The following SNX29 variants were observed in gnomAD, a reference collection of about 807,000 sequenced individuals.
SNX29 encodes the protein sorting nexin-29.
SNX29 carries 78 observed loss-of-function variants against 102.1 expected under a neutral mutation model. That is an observed-to-expected ratio of 0.76 (90% CI 0.64 to 0.92). The LOEUF is 0.92. Ranked by LOEUF, SNX29 falls within the 40% of genes least tolerant of loss-of-function variation. The pLI, the probability that SNX29 is intolerant of heterozygous loss-of-function variation, is 0.00. For missense variants in SNX29, 1,280 were observed against 1,061.7 expected (o/e 1.21, Z -2.86); for synonymous variants, 580 against 414.5 (o/e 1.40, Z -4.85).
intron 13 of SNX29, among the ~76,000 whole-genome samples, chr16:12,165,874 T>G (rs1474583593): frequency 6.6e-6 from 1 of 152,242 alleles, no homozygotes; most frequent in Non-Finnish European, 1.5e-5. Context: ...AGACTTTGAT[T>G]CCCTTCTGAC....
chr16:12,482,275 T>C (rs991312136), intron 19 of SNX29, among the ~76,000 whole-genome samples: 3 of 145,872 alleles, frequency 2.1e-5, no homozygotes, highest in African/African-American at 4.9e-5. Flanking sequence ...TTTTCCTTTT[T>C]CTTTTTCCTT....
At chr16:12,563,696 G>T (rs2865572) in intron 20 of SNX29, among the ~76,000 whole-genome samples, 5 of 152,164 alleles carry the variant, frequency 3.3e-5, no homozygotes, top group African/African-American at 1.2e-4. Flanking sequence ...CTGGCCTCAT[G>T]TAAGAGGAAC....
intron 13 of SNX29, among the ~76,000 whole-genome samples, chr16:12,159,405 C>G (rs372935764): frequency 6.6e-6 from 1 of 152,226 alleles, no homozygotes; most frequent in Non-Finnish European, 1.5e-5. Context: ...TGAGAACTCT[C>G]GCTGTTCTGT....
chr16:12,258,284 T>A (rs933572745), intron 14 of SNX29, among the ~76,000 whole-genome samples: 36 of 152,206 alleles, frequency 2.4e-4, no homozygotes, highest in Non-Finnish European at 5.9e-5. Context: ...GTGTGTACCT[T>A]CTTTCAGTCA....
intron 18 of SNX29, among the ~76,000 whole-genome samples, chr16:12,466,653 G>A (rs2087066456): frequency 6.6e-6 from 1 of 152,288 alleles, no homozygotes; most frequent in African/African-American, 2.4e-5. Flanking sequence ...TCTACCTGGA[G>A]CCCCAGCCCA....
intron 15 of SNX29, among the ~76,000 whole-genome samples, chr16:12,328,675 G>A (rs1000165995): frequency 6.6e-6 from 1 of 152,126 alleles, no homozygotes; most frequent in South Asian, 2.1e-4. Context: ...CCTTTCACTT[G>A]GATGCCCTCT....
intron 15 of SNX29, among the ~76,000 whole-genome samples, chr16:12,295,162 A>G (rs1245401452): frequency 6.6e-6 from 1 of 152,234 alleles, no homozygotes; most frequent in Non-Finnish European, 1.5e-5. Context: ...GCTACAAGTC[A>G]AGATGAGATT....
chr16:12,005,306 G>A (rs1294123607), intron 3 of SNX29, among the ~76,000 whole-genome samples: 1 of 152,172 alleles, frequency 6.6e-6, no homozygotes, highest in Non-Finnish European at 1.5e-5. Flanking sequence ...CACCTGGGAG[G>A]CTTATTGATT....
At chr16:12,215,090 C>A (rs772206244) in intron 14 of SNX29, among the ~76,000 whole-genome samples, 1 of 152,122 alleles carries the variant, frequency 6.6e-6, no homozygotes, top group Non-Finnish European at 1.5e-5. Flanking sequence ...GTAATAATAG[C>A]CAACATGCAT....
chr16:12,382,973 A>G (rs1260323971), intron 16 of SNX29, among the ~76,000 whole-genome samples: 1 of 151,952 alleles, frequency 6.6e-6, no homozygotes, highest in African/African-American at 2.4e-5. Context: ...CTTTTTCCAC[A>G]TTTACAAGTC....
intron 14 of SNX29, among the ~76,000 whole-genome samples, chr16:12,204,590 A>G (rs1448744059): frequency 1.3e-5 from 2 of 152,216 alleles, no homozygotes; most frequent in South Asian, 4.1e-4. Context: ...AGAGAGGGAA[A>G]AGGAATAGAC....
At chr16:12,282,976 G>A (rs2079483490) in intron 15 of SNX29, among the ~76,000 whole-genome samples, 1 of 152,188 alleles carries the variant, frequency 6.6e-6, no homozygotes, top group Non-Finnish European at 1.5e-5. Flanking sequence ...GTCTTAACTA[G>A]AGCTCAGAGC....
At chr16:12,434,409 G>A (rs551905114) in intron 18 of SNX29, among the ~76,000 whole-genome samples, 91 of 152,312 alleles carry the variant, frequency 6.0e-4, no homozygotes, top group African/African-American at 2.1e-3. Context: ...GCAAAGCAGG[G>A]TGTTTGGTGG....
At chr16:12,240,436 A>G (rs1262689697) in intron 14 of SNX29, among the ~76,000 whole-genome samples, 4 of 151,970 alleles carry the variant, frequency 2.6e-5, no homozygotes, top group Admixed American at 6.5e-5. Context: ...TTCCAGGACT[A>G]TTGACCATTT....
chr16:12,536,585 A>G (rs377453632), intron 20 of SNX29, among the ~76,000 whole-genome samples: 2 of 152,292 alleles, frequency 1.3e-5, no homozygotes, highest in East Asian at 1.9e-4. Flanking sequence ...GTTCACACCT[A>G]GCACAGAGAA....
At chr16:12,221,106 G>GT (rs150736744) in intron 14 of SNX29, among the ~76,000 whole-genome samples, 1,758 of 147,338 alleles carry the variant, frequency 0.012, 14 homozygotes, top group Middle Eastern at 0.024. Flanking sequence ...GTATGATGAA[G>GT]TTTTTTTTTC....
chr16:12,378,301 G>A (rs944634520), intron 16 of SNX29, among the ~76,000 whole-genome samples: 3 of 152,190 alleles, frequency 2.0e-5, no homozygotes, highest in African/African-American at 7.2e-5. Flanking sequence ...ATCGATAAGA[G>A]TGAAAGCAAG....
chr16:12,534,355 T>C (rs1007670606), intron 20 of SNX29, among the ~76,000 whole-genome samples: 20 of 152,350 alleles, frequency 1.3e-4, no homozygotes, highest in African/African-American at 4.6e-4. Flanking sequence ...TTGGAGAGGT[T>C]TCCTGCACCT....
At chr16:12,531,440 C>G (rs4781246) in intron 20 of SNX29, among the ~76,000 whole-genome samples, 1,887 of 152,300 alleles carry the variant, frequency 0.012, 139 homozygotes, top group Admixed American at 0.11. Context: ...AGGGCCTGAC[C>G]CAGATGGCCA....
Sources: gnomAD v4.1 joint callset for allele counts (sites outside exome capture counted in the v4.1 genomes callset) on GRCh38, gnomAD v4.1.1 for gene constraint, MANE v1.5 for transcripts, NCBI Gene and HGNC (gene_info 2026-07-23, HGNC 2026-07-21) for gene names.